The following SIRT5 variants were observed in gnomAD, a reference collection of about 807,000 sequenced individuals.
SIRT5 encodes NAD-dependent protein deacylase sirtuin-5, mitochondrial.
In SIRT5, 26 loss-of-function variants were observed where a neutral mutation model predicts 40.0. The observed-to-expected ratio is 0.65, with a 90% CI of 0.48 to 0.90. SIRT5 has a LOEUF of 0.90. Ranked by LOEUF, SIRT5 falls within the 40% of genes least tolerant of loss-of-function variation. The pLI is 0.00. For missense variants in SIRT5, 401 were observed against 402.4 expected (o/e 1.00, Z 0.03); for synonymous variants, 146 against 149.1 (o/e 0.98, Z 0.15).
At position 13,588,432 on chromosome 6, in the gene SIRT5, G is replaced by A; in HGVS notation, c.217G>A (p.Ala73Thr). The change falls in exon 4 of 10, where the codon GCT (alanine) becomes ACT (threonine). Residue 73 changes from alanine (A) to threonine (T), a missense_variant. By Grantham distance (58) the Ala-to-Thr change is moderately conservative. Transcript: ENST00000606117. ...AESGVPTFRG[A>T]GGYWRKWQAQ... is the part of the protein sequence containing the mutation. ...AAGTGGTGTTCCGACCTTCAGAGGA[G>A]CTGGAGGTTATTGGAGAAAATGGCA... 1 of 1,614,194 alleles carries A rather than the reference G, an allele frequency of 6.2e-7. No homozygotes were observed. The highest frequency in any genetic ancestry group is 1.6e-4 in the Middle Eastern group (1 of 6,062).
chr6:13,599,216 C>A (rs952459868), intron 8 of SIRT5, 61 bp downstream of exon 8: 4 of 1,546,396 alleles, frequency 2.6e-6, no homozygotes, highest in Non-Finnish European at 3.5e-6. Context: ...TTTCCTTCCC[C>A]CTCTCCTCTT....
In SIRT5 at chr6:13,595,476, G is replaced by A. The variant is rs764220010; in HGVS notation, c.476-1G>A. On this transcript the variant is annotated splice_acceptor_variant, in intron 5 of 9. Transcript: ENST00000606117. LOFTEE classifies it high-confidence loss of function. ...GGATTTGCTTCATATGTATTTTTCA[G>A]GTAGCTTATTTAAAACTCGATGTAC... The A allele has an allele frequency of 6.2e-7, 1 of 1,612,524 alleles. No homozygotes were observed. Among genetic ancestry groups the A allele is most frequent in the Non-Finnish European group, 8.5e-7 (1 of 1,178,586 alleles).
intron 2 of SIRT5, among the ~76,000 whole-genome samples, chr6:13,580,662 G>A (rs1390470315): frequency 6.7e-6 from 1 of 150,250 alleles, no homozygotes; most frequent in Admixed American, 6.6e-5. Flanking sequence ...CCTCACTCTC[G>A]CTCCTGCTCT....
At chr6:13,605,885 A>C (rs1033409906) in intron 9 of SIRT5, 18 of 915,086 alleles carry the variant, frequency 2.0e-5, no homozygotes, top group Non-Finnish European at 2.4e-5. Flanking sequence ...CCCTGCAGCC[A>C]CTATGTTGTG....
intron 9 of SIRT5, among the ~76,000 whole-genome samples, 197 bp downstream of exon 9, chr6:13,601,146 C>T (rs978680832): frequency 1.3e-5 from 2 of 152,164 alleles, no homozygotes; most frequent in Non-Finnish European, 2.9e-5. Flanking sequence ...TCATTGTATG[C>T]GAAATTTGCC....
intron 7 of SIRT5, among the ~76,000 whole-genome samples, chr6:13,598,632 C>T (rs544019353): frequency 2.0e-5 from 3 of 152,146 alleles, no homozygotes; most frequent in Admixed American, 2.0e-4. Flanking sequence ...CAGTTTGAGA[C>T]CAGCCCGGCG....
intron 8 of SIRT5, among the ~76,000 whole-genome samples, chr6:13,599,412 C>T (rs1363113040): frequency 1.3e-5 from 2 of 152,126 alleles, no homozygotes; most frequent in Non-Finnish European, 1.5e-5. Context: ...CCTCCTCCCC[C>T]AGCCCCACCA....
rs1764118033 is a variant in SIRT5, at chr6:13,613,601, T to G, written c.*1736T>G. 1 of 152,216 alleles carries G rather than the reference T, an allele frequency of 6.6e-6. No homozygotes were observed. Among genetic ancestry groups the G allele is most frequent in the South Asian group, 2.1e-4 (1 of 4,836 alleles). The allele number at this position is 152,216 out of a possible 1,614,324, so 9.4% of individuals were successfully genotyped here. A position where few individuals can be genotyped will look rare whatever the true frequency, so the allele number is the denominator to read the frequency against. On this transcript the variant is annotated 3_prime_UTR_variant, in exon 10 of 10. Coordinates refer to ENST00000606117, the MANE Select transcript of SIRT5 (RefSeq NM_012241.5). ...GTACTGCATTGCAAGGCATAACCTT[T>G]AATAAATCCCAGTGGTCCTTTGTGT... is the stretch of plus-strand genomic sequence containing the variant.
intron 1 of SIRT5, among the ~76,000 whole-genome samples, chr6:13,575,887 A>G (rs984388855): frequency 6.6e-5 from 10 of 152,298 alleles, no homozygotes; most frequent in African/African-American, 1.9e-4. Flanking sequence ...CCCCAAGTAT[A>G]TAAGTAAGAT....
intron 3 of SIRT5, among the ~76,000 whole-genome samples, chr6:13,585,817 C>T (rs1759997678): frequency 6.6e-6 from 1 of 152,190 alleles, no homozygotes; most frequent in African/African-American, 2.4e-5. Flanking sequence ...GGAATTGCCA[C>T]ACTCTCTTCC....
chr6:13,576,824 G>A (rs2127598075), intron 1 of SIRT5, among the ~76,000 whole-genome samples: 1 of 152,268 alleles, frequency 6.6e-6, no homozygotes, highest in East Asian at 1.9e-4. Context: ...GTTGATTTTT[G>A]TATATGGTGT....
intron 9 of SIRT5, among the ~76,000 whole-genome samples, chr6:13,609,590 A>C (rs1022813153): frequency 3.3e-5 from 5 of 152,208 alleles, no homozygotes; most frequent in Non-Finnish European, 7.3e-5. Context: ...TGGGTTGGAA[A>C]TCCAGGCTGC....
chr6:13,583,093 C>T (rs778848158), intron 2 of SIRT5, among the ~76,000 whole-genome samples: 85 of 152,072 alleles, frequency 5.6e-4, no homozygotes, highest in Middle Eastern at 3.4e-3. Flanking sequence ...GTAGTCCCAG[C>T]TACTGGGGAG....
At chr6:13,605,505 T>C in intron 9 of SIRT5, 1 of 985,456 alleles carries the variant, frequency 1.0e-6, no homozygotes, top group Non-Finnish European at 1.2e-6. Context: ...TAATAAGGAT[T>C]TGGATCTCAC....
At position 13,607,551 on chromosome 6, in the gene SIRT5, C is replaced by T. The variant is rs952651353; in HGVS notation, c.858-4239C>T. ...TGATTACATTAACCAATGCAAGTGG[C>T]GTGAGCAGATGTGCAGCTAACACTG... On this transcript the variant is annotated intron_variant, in intron 9 of 9. Coordinates refer to ENST00000606117, the MANE Select transcript of SIRT5 (RefSeq NM_012241.5). The surrounding 1 kb of genome is among the most constrained non-coding windows in gnomAD (Gnocchi z 4.0). Among the ~76,000 whole-genome samples the T allele has an allele frequency of 2.6e-5, 4 of 152,144 alleles. No individual in the cohort carries two copies. The highest frequency in any genetic ancestry group is 4.8e-5 in the African/African-American group (2 of 41,440).
rs375220195 is a variant in SIRT5 at position 13,583,269 on chromosome 6, TC to T, written c.-35-806del. On this transcript the variant is annotated intron_variant, in intron 2 of 9. Coordinates refer to ENST00000606117, the MANE Select transcript of SIRT5 (RefSeq NM_012241.5). ...GAGACTAGTGGTGGTTTTCATACCT[TC>T]TTTTTTTTCTTCTTTGTTCTTTTTT... Among the ~76,000 whole-genome samples, 1,141 of 148,140 alleles carry T rather than the reference TC, an allele frequency of 7.7e-3. 26 individuals are homozygous for T. Among genetic ancestry groups the T allele is most frequent in the African/African-American group, 0.025 (1,013 of 40,070 alleles).
chr6:13,599,199 G>T (rs201085865), intron 8 of SIRT5, 44 bp downstream of exon 8: 2 of 1,572,170 alleles, frequency 1.3e-6, no homozygotes, highest in Non-Finnish European at 1.7e-6. Context: ...ACTGGAGTTT[G>T]TTATTTTTTC....
rs997764800 is a variant in SIRT5, at chr6:13,581,244, A to G, written c.-36+1635A>G. 3.9e-5 allele frequency among the ~76,000 whole-genome samples: 6 copies of G among 152,216 alleles called. No individual in the cohort carries two copies. In the South Asian group the frequency reaches 1.0e-3, roughly 26 times the overall value. Reference sequence around the variant, plus strand: ...TTGAATCCAGCCCAGGATCCCACGTAGCATTTACTTGTCATGTCTCATTAG... The same window carrying G: ...TTGAATCCAGCCCAGGATCCCACGTGGCATTTACTTGTCATGTCTCATTAG... On this transcript the variant is annotated intron_variant, in intron 2 of 9. Coordinates refer to ENST00000606117, the MANE Select transcript of SIRT5 (RefSeq NM_012241.5).
chr6:13,584,167 G>C lies in SIRT5; in HGVS notation c.57G>C (p.Leu19=). ...TGATTTCCCAGCTATATTGTGGCCTGAAGCCTCCAGCGTCCACACGAAACC... is the reference window on the plus strand; with the variant it reads ...TGATTTCCCAGCTATATTGTGGCCTCAAGCCTCCAGCGTCCACACGAAACC... ...SRLISQLYCG[L]KPPASTRNQI... Residue 19 remains leucine (L), a synonymous_variant, in exon 3 of 10, where the codon CTG becomes CTC. Coordinates refer to ENST00000606117, the MANE Select transcript of SIRT5 (RefSeq NM_012241.5). 9 of 1,614,152 alleles carry C rather than the reference G, an allele frequency of 5.6e-6. No homozygotes were observed. Among genetic ancestry groups the C allele is most frequent in the Non-Finnish European group, 7.6e-6 (9 of 1,180,028 alleles).
Sources: gnomAD v4.1 joint callset for allele counts (sites outside exome capture counted in the v4.1 genomes callset) on GRCh38, gnomAD v4.1.1 for gene constraint, Gnocchi (gnomAD v3.1) non-coding constraint, MANE v1.5 for transcripts, NCBI Gene and HGNC (gene_info 2026-07-23, HGNC 2026-07-21) for gene names.